ANKS1B: variants seen among roughly 807,000 people sequenced by gnomAD.
The protein encoded by ANKS1B is ankyrin repeat and sterile alpha motif domain-containing protein 1B.
A neutral mutation model predicts 148.3 loss-of-function variants in ANKS1B; 36 were observed. The observed-to-expected ratio is 0.24, with a 90% CI of 0.19 to 0.32. The LOEUF is 0.32. Among genes scored for constraint, ANKS1B ranks in the 10% least tolerant of loss-of-function variants. The probability of loss-of-function intolerance (pLI) is 1.00; values close to 1 mark genes in which losing one functional copy is unlikely to be tolerated. For synonymous variants in ANKS1B, 542 were observed against 560.8 expected (o/e 0.97, Z 0.47); for missense variants, 1,157 against 1,542.6 (o/e 0.75, Z 4.19).
At chr12:99,783,041 A>G (rs955269590) in intron 4 of ANKS1B, among the ~76,000 whole-genome samples, 4 of 152,182 alleles carry the variant, frequency 2.6e-5, no homozygotes, top group Admixed American at 2.6e-4. Flanking sequence ...ATACAAAAAA[A>G]TTAGCCAGGC....
At chr12:99,108,406 T>G (rs374630864) in intron 15 of ANKS1B, among the ~76,000 whole-genome samples, 1 of 152,208 alleles carries the variant, frequency 6.6e-6, no homozygotes, top group South Asian at 2.1e-4. Context: ...AATTAATATT[T>G]GAAGAACGTA....
chr12:98,971,998 T>G (rs1306551928), intron 17 of ANKS1B, among the ~76,000 whole-genome samples: 1 of 152,012 alleles, frequency 6.6e-6, no homozygotes, highest in East Asian at 1.9e-4. Flanking sequence ...TCAAACCCCG[T>G]CTCTACTAAA....
At chr12:99,480,143 A>T (rs1310330611) in intron 10 of ANKS1B, among the ~76,000 whole-genome samples, 1 of 151,804 alleles carries the variant, frequency 6.6e-6, no homozygotes, top group African/African-American at 2.4e-5. Context: ...AATATTCAAA[A>T]ATTTTTTCAT....
intron 19 of ANKS1B, among the ~76,000 whole-genome samples, chr12:98,827,770 A>G (rs2099261808): frequency 6.6e-6 from 1 of 152,322 alleles, no homozygotes; most frequent in East Asian, 1.9e-4. Flanking sequence ...ATGCTCATTA[A>G]AGAACTATAC....
chr12:98,907,778 A>G (rs1207678880), intron 17 of ANKS1B, among the ~76,000 whole-genome samples: 1 of 152,124 alleles, frequency 6.6e-6, no homozygotes, highest in Non-Finnish European at 1.5e-5. Context: ...TAATTGAACC[A>G]AACTGTTTAC....
chr12:98,879,566 T>C (rs1315688046), intron 17 of ANKS1B, among the ~76,000 whole-genome samples: 1 of 152,234 alleles, frequency 6.6e-6, no homozygotes, highest in Non-Finnish European at 1.5e-5. Flanking sequence ...CTCATTTTTC[T>C]TTATGTATTT....
chr12:99,665,157 G>A (rs946266283), intron 8 of ANKS1B, among the ~76,000 whole-genome samples: 1 of 152,124 alleles, frequency 6.6e-6, no homozygotes, highest in African/African-American at 2.4e-5. Context: ...AGGTCACACG[G>A]TAAATGCATC....
intron 8 of ANKS1B, among the ~76,000 whole-genome samples, chr12:99,738,491 C>T (rs919413751): frequency 6.6e-6 from 1 of 152,164 alleles, no homozygotes; most frequent in Non-Finnish European, 1.5e-5. Flanking sequence ...TCTCACAGTT[C>T]TCCAGTTTCT....
chr12:99,128,122 C>T (rs913030160), intron 15 of ANKS1B, among the ~76,000 whole-genome samples: 6 of 152,104 alleles, frequency 3.9e-5, no homozygotes, highest in Non-Finnish European at 8.8e-5. Flanking sequence ...TGACTAGAAT[C>T]CCTGGAGCCA....
At chr12:99,177,116 G>T (rs2078492974) in intron 14 of ANKS1B, among the ~76,000 whole-genome samples, 1 of 152,112 alleles carries the variant, frequency 6.6e-6, no homozygotes, top group African/African-American at 2.4e-5. Context: ...GTTGTACCAG[G>T]CATGCAAAAC....
intron 17 of ANKS1B, among the ~76,000 whole-genome samples, chr12:98,975,646 TGG>T (rs2099893870): frequency 6.6e-6 from 1 of 151,976 alleles, no homozygotes; most frequent in Admixed American, 6.6e-5. Context: ...CATTTTTGTT[TGG>T]TTTTTTTTTG....
At chr12:99,478,856 A>G (rs549006220) in intron 10 of ANKS1B, among the ~76,000 whole-genome samples, 1 of 152,240 alleles carries the variant, frequency 6.6e-6, no homozygotes, top group East Asian at 1.9e-4. Context: ...TATTTTCTCT[A>G]TCAGAGCATT....
chr12:99,915,369 A>G (rs1008607144), intron 1 of ANKS1B, among the ~76,000 whole-genome samples: 1 of 152,082 alleles, frequency 6.6e-6, no homozygotes, highest in African/African-American at 2.4e-5. Context: ...ACACATAAGG[A>G]CGTGGATGTT....
At chr12:99,701,227 T>G (rs2054761570) in intron 8 of ANKS1B, among the ~76,000 whole-genome samples, 1 of 152,162 alleles carries the variant, frequency 6.6e-6, no homozygotes, top group Non-Finnish European at 1.5e-5. Flanking sequence ...CAAGTGGGTT[T>G]GCACTTTGGG....
intron 17 of ANKS1B, among the ~76,000 whole-genome samples, chr12:98,887,703 G>T (rs2099743289): frequency 6.6e-6 from 1 of 151,974 alleles, no homozygotes; most frequent in South Asian, 2.1e-4. Flanking sequence ...TGTCTCCTGG[G>T]TTCATGAGAT....
chr12:99,540,552 T>C (rs912255680), intron 9 of ANKS1B, among the ~76,000 whole-genome samples: 3 of 152,172 alleles, frequency 2.0e-5, no homozygotes, highest in Admixed American at 1.3e-4. Flanking sequence ...ATAGTCAACA[T>C]GCTCCTTAAT....
At chr12:99,039,729 G>A (rs902902807) in intron 17 of ANKS1B, among the ~76,000 whole-genome samples, 2 of 152,202 alleles carry the variant, frequency 1.3e-5, no homozygotes, top group Non-Finnish European at 2.9e-5. Flanking sequence ...TAGGGTATAT[G>A]TGCACAATGC....
chr12:99,565,579 C>T (rs1359184102), intron 9 of ANKS1B, among the ~76,000 whole-genome samples: 1 of 152,202 alleles, frequency 6.6e-6, no homozygotes, highest in Non-Finnish European at 1.5e-5. Flanking sequence ...CCTTGGCTCT[C>T]AGCTCCATTC....
intron 17 of ANKS1B, among the ~76,000 whole-genome samples, chr12:98,955,788 G>C (rs1022802258): frequency 2.0e-5 from 3 of 152,192 alleles, no homozygotes; most frequent in Non-Finnish European, 4.4e-5. Flanking sequence ...TTTTAGGGAA[G>C]ATTAGGAACT....
Sources: gnomAD v4.1 joint callset for allele counts (sites outside exome capture counted in the v4.1 genomes callset) on GRCh38, gnomAD v4.1.1 for gene constraint, MANE v1.5 for transcripts, NCBI Gene and HGNC (gene_info 2026-07-23, HGNC 2026-07-21) for gene names.